SYNDIG1L: variants seen among roughly 807,000 people sequenced by gnomAD.
SYNDIG1L encodes synapse differentiation-inducing gene protein 1-like.
Under a neutral mutation model 20.1 loss-of-function variants are expected in SYNDIG1L, and 13 were observed. That is an observed-to-expected ratio of 0.65 (90% CI 0.42 to 1.03). The LOEUF (loss-of-function observed/expected upper bound fraction) is 1.03. Among genes scored for constraint, SYNDIG1L ranks in the 50% least tolerant of loss-of-function variants. The pLI is 0.00. For missense variants in SYNDIG1L, 294 were observed against 305.1 expected, an observed-to-expected ratio of 0.96 and a Z score of 0.27; for synonymous variants, 128 against 129.3, an observed-to-expected ratio of 0.99 and a Z score of 0.07.
upstream of SYNDIG1L, among the ~76,000 whole-genome samples, chr14:74,426,302 C>G (rs994811908): frequency 9.9e-5 from 15 of 152,272 alleles, no homozygotes; most frequent in Middle Eastern, 6.8e-3. Flanking sequence ...TTCCACGCTC[C>G]GGAATCAGCC....
At chr14:74,432,054 A>G in the SYNDIG1L span, among the ~76,000 whole-genome samples, 1 of 151,986 alleles carries the variant, frequency 6.6e-6, no homozygotes, top group Admixed American at 6.6e-5. Context: ...AAAAATGCCC[A>G]GAGAGAAGGG....
chr14:74,441,220 G>T, the SYNDIG1L span, among the ~76,000 whole-genome samples: 2 of 152,198 alleles, frequency 1.3e-5, no homozygotes, highest in African/African-American at 4.8e-5. Context: ...ATCCTGGAAA[G>T]TTGGAATAGG....
intron 1 of SYNDIG1L, among the ~76,000 whole-genome samples, chr14:74,425,255 A>C (rs1353181266): frequency 6.6e-6 from 1 of 152,266 alleles, no homozygotes; most frequent in African/African-American, 2.4e-5. Flanking sequence ...AACAGGACCC[A>C]GGTTCCCTGA....
chr14:74,424,821 T>C (rs186170786), intron 1 of SYNDIG1L, among the ~76,000 whole-genome samples: 145 of 152,210 alleles, frequency 9.5e-4, no homozygotes, highest in African/African-American at 3.3e-3. Context: ...ATCAGGTGCA[T>C]TGTTTTTCAT....
the SYNDIG1L span, among the ~76,000 whole-genome samples, chr14:74,444,341 T>C: frequency 1.3e-5 from 2 of 151,928 alleles, no homozygotes; most frequent in African/African-American, 2.4e-5. Flanking sequence ...ATTACAGGCG[T>C]GAGCCACTGT....
chr14:74,472,107 A>G, the SYNDIG1L span: 9 of 152,316 alleles, frequency 5.9e-5, no homozygotes, highest in African/African-American at 2.2e-4. Flanking sequence ...TCTTACACCC[A>G]AGGAACACAA....
the SYNDIG1L span, among the ~76,000 whole-genome samples, chr14:74,433,238 G>A: frequency 6.6e-6 from 1 of 152,102 alleles, no homozygotes; most frequent in Non-Finnish European, 1.5e-5. Context: ...ATACATGTTT[G>A]CTCTTTTTTG....
intron 1 of SYNDIG1L, among the ~76,000 whole-genome samples, chr14:74,423,438 G>C (rs1459442840): frequency 6.6e-6 from 1 of 152,192 alleles, no homozygotes; most frequent in Non-Finnish European, 1.5e-5. Context: ...GTTAGTGACT[G>C]TCCATTAACT....
At chr14:74,466,452 C>G in the SYNDIG1L span, among the ~76,000 whole-genome samples, 1 of 152,066 alleles carries the variant, frequency 6.6e-6, no homozygotes, top group Non-Finnish European at 1.5e-5. Flanking sequence ...AGGCATGGAC[C>G]CTGAAGGAAC....
rs1291888480 is a variant in SYNDIG1L at position 74,409,474 on chromosome 14, A to G, written c.271T>C (p.Phe91Leu). The part of the protein sequence containing the change: ...EPRAGSCETS[F>L]TEDREPQEGP... ...TCCTGGGGCTCCCTGTCCTCTGTGA[A>G]GCTTGTCTCACAGCTGCCTGCCCTG... Residue 91 changes from phenylalanine (F) to leucine (L), a missense_variant, in exon 2 of 4, where the codon TTC becomes CTC. Coordinates refer to ENST00000331628, the MANE Select transcript of SYNDIG1L (RefSeq NM_001105579.2). The G allele has an allele frequency of 8.1e-5, 131 of 1,613,284 alleles. 2 individuals are homozygous for G. In the Admixed American group the frequency reaches 2.1e-3, roughly 26 times the overall value.
intron 1 of SYNDIG1L, among the ~76,000 whole-genome samples, chr14:74,423,115 G>A (rs1349726581): frequency 6.6e-6 from 1 of 151,950 alleles, no homozygotes; most frequent in Non-Finnish European, 1.5e-5. Flanking sequence ...TCTTCCCTTT[G>A]AGGCCTTGTA....
chr14:74,476,161 C>A, the SYNDIG1L span: 1 of 474,574 alleles, frequency 2.1e-6, no homozygotes, highest in Non-Finnish European at 3.8e-6. Flanking sequence ...TGCAGTATCC[C>A]CCTTTGTGGC....
the SYNDIG1L span, chr14:74,479,904 T>C: frequency 3.6e-6 from 4 of 1,106,536 alleles, no homozygotes; most frequent in Non-Finnish European, 4.6e-6. Flanking sequence ...TAGCAGAATG[T>C]ACCCTGAAAG....
At chr14:74,422,864 C>T (rs565599500) in intron 1 of SYNDIG1L, among the ~76,000 whole-genome samples, 1 of 151,874 alleles carries the variant, frequency 6.6e-6, no homozygotes, top group South Asian at 2.1e-4. Flanking sequence ...TGCCTGGCTA[C>T]TTTTTGTACT....
the SYNDIG1L span, among the ~76,000 whole-genome samples, chr14:74,453,042 T>G: frequency 6.6e-6 from 1 of 152,064 alleles, no homozygotes; most frequent in Admixed American, 6.5e-5. Flanking sequence ...TCATCTATAG[T>G]GACACAAAGA....
At chr14:74,472,538 T>C in the SYNDIG1L span, among the ~76,000 whole-genome samples, 748 of 152,364 alleles carry the variant, frequency 4.9e-3, 29 homozygotes, top group East Asian at 0.1. Context: ...ATGTTGTCTC[T>C]CCCAAAGATG....
At chr14:74,442,318 T>C in the SYNDIG1L span, among the ~76,000 whole-genome samples, 2 of 152,120 alleles carry the variant, frequency 1.3e-5, no homozygotes, top group Admixed American at 1.3e-4. Context: ...AATGGCAATA[T>C]GGTCTTATAA....
At chr14:74,435,578 G>T in the SYNDIG1L span, among the ~76,000 whole-genome samples, 11 of 152,320 alleles carry the variant, frequency 7.2e-5, no homozygotes, top group East Asian at 7.7e-4. Context: ...CAAAGTGCTT[G>T]CTGTGAATCT....
the SYNDIG1L span, among the ~76,000 whole-genome samples, chr14:74,432,176 T>TGG: frequency 7.1e-6 from 1 of 140,018 alleles, no homozygotes; most frequent in African/African-American, 2.9e-5. Flanking sequence ...TGTGTGTGTG[T>TGG]GTGTGAGAGA....
Sources: allele counts gnomAD v4.1 joint callset (sites outside exome capture counted in the v4.1 genomes callset), GRCh38; gene constraint gnomAD v4.1.1; transcripts MANE v1.5; gene names NCBI Gene and HGNC (gene_info 2026-07-23, HGNC 2026-07-21).